The following TRPM1 variants were observed in gnomAD, a reference collection of about 807,000 sequenced individuals.
TRPM1 encodes TRPM1-203 APA Isoform, Intron 10.
TRPM1 carries 113 observed loss-of-function variants against 149.4 expected under a neutral mutation model. That is an observed-to-expected ratio of 0.76 (90% CI 0.65 to 0.88). The LOEUF (loss-of-function observed/expected upper bound fraction) is 0.88, where lower values mean the gene tolerates loss of function less well. Ranked by LOEUF, TRPM1 falls within the 40% of genes least tolerant of loss-of-function variation. The pLI is 0.00. For missense variants in TRPM1, 1,976 were observed against 2,038.7 expected, an observed-to-expected ratio of 0.97 and a Z score of 0.59; for synonymous variants, 741 against 759.5, an observed-to-expected ratio of 0.98 and a Z score of 0.40.
chr15:31,061,186 G>T (rs1016791460), intron 10 of TRPM1, among the ~76,000 whole-genome samples: 1 of 152,236 alleles, frequency 6.6e-6, no homozygotes, highest in Admixed American at 6.5e-5. Context: ...AGGAGCTGAA[G>T]CCCTCAATGA....
At chr15:31,149,331 C>T (rs546507126) in intron 1 of TRPM1, among the ~76,000 whole-genome samples, 9 of 152,038 alleles carry the variant, frequency 5.9e-5, no homozygotes, top group Admixed American at 5.9e-4. Flanking sequence ...CTGAGGGGGG[C>T]GGGTGTGTGT....
chr15:31,070,252 T>G (rs2034502779), intron 3 of TRPM1, 26 bp from the exon 4 acceptor site: 1 of 1,603,766 alleles, frequency 6.2e-7, no homozygotes, highest in Non-Finnish European at 8.5e-7. Flanking sequence ...AAGCAGGGTC[T>G]TTCTACAACA....
At chr15:31,035,803 A>C (rs962640417) in intron 20 of TRPM1, 129 bp from the exon 21 acceptor site, 1 of 1,379,910 alleles carries the variant, frequency 7.2e-7, no homozygotes, top group Non-Finnish European at 1.0e-6. Flanking sequence ...ACTCATTGAG[A>C]GGAAACCTTC....
Position 31,029,188 on chromosome 15 carries a change from A to C in TRPM1, c.3148+183T>G, listed in dbSNP as rs7342653. 0.045 allele frequency among the ~76,000 whole-genome samples: 6,856 copies of C among 152,254 alleles called. 508 individuals carry two copies. The highest frequency in any genetic ancestry group is 0.16 in the African/African-American group (6,541 of 41,510). On this transcript the variant is annotated intron_variant, in intron 24 of 27. Transcript: ENST00000256552. The stretch of plus-strand genomic sequence containing the variant: ...GGGTCTATTTCTCCCCTAAAAAAAT[A>C]GGGTGATCCCAACAGTGAATTTGTG...
Position 31,049,421 on chromosome 15 carries a change from A to G in TRPM1, c.1526T>C (p.Met509Thr), listed in dbSNP as rs1342111186. The G allele has an allele frequency of 2.5e-6, 4 of 1,614,186 alleles. No individual in the cohort carries two copies. The highest frequency in any genetic ancestry group is 3.4e-6 in the Non-Finnish European group (4 of 1,180,034). Residue 509 changes from methionine to threonine, a missense_variant, in exon 13 of 28, where the codon ATG (methionine) becomes ACG (threonine). Transcript: ENST00000256552. ...CCTCGGAATGGTCAGAAAGTGTTGC[A>G]TGTTCACTCCGTTTTCAATCAGGAG... The part of the protein sequence containing the change: ...VKLLIENGVN[M>T]QHFLTIPRLE...
At chr15:31,060,289 A>C in intron 11 of TRPM1, 3 of 566,716 alleles carry the variant, frequency 5.3e-6, no homozygotes, top group Non-Finnish European at 9.4e-6. Context: ...AAAGGTAAAA[A>C]CCCACTTTCA....
intron 17 of TRPM1, among the ~76,000 whole-genome samples, chr15:31,041,310 A>G (rs974173355): frequency 5.9e-5 from 9 of 152,028 alleles, no homozygotes; most frequent in African/African-American, 1.7e-4. Context: ...GCCCGCCACT[A>G]CGCCGGGCTA....
At chr15:31,090,128 T>G (rs547304562) in intron 1 of TRPM1, among the ~76,000 whole-genome samples, 2 of 152,312 alleles carry the variant, frequency 1.3e-5, no homozygotes, top group Non-Finnish European at 2.9e-5. Context: ...TGAACACTGG[T>G]GCGTTCCCTT....
intron 7 of TRPM1, chr15:31,065,242 G>T (rs183457358): frequency 4.6e-6 from 2 of 435,312 alleles, no homozygotes; most frequent in South Asian, 3.3e-5. Flanking sequence ...TCTGATTCTC[G>T]GAAATCTACA....
chr15:31,113,882 T>C (rs1419704192), intron 1 of TRPM1, among the ~76,000 whole-genome samples: 1 of 152,182 alleles, frequency 6.6e-6, no homozygotes, highest in African/African-American at 2.4e-5. Flanking sequence ...ACCGAGCAAA[T>C]TGACTTTGCT....
chr15:31,063,336 C>A, intron 7 of TRPM1, 44 bp from the exon 8 acceptor site: 1 of 1,613,528 alleles, frequency 6.2e-7, no homozygotes, highest in South Asian at 1.1e-5. Flanking sequence ...GTGCCCTGCA[C>A]TGTCCACCCA....
intron 1 of TRPM1, among the ~76,000 whole-genome samples, chr15:31,088,187 G>T (rs10438315): frequency 0.77 from 116,500 of 151,894 alleles, 44,874 homozygotes; most frequent in East Asian, 0.98. Context: ...CAATCAGCAC[G>T]CTGTAAAAAC....
In TRPM1 at chr15:31,063,390, G is replaced by A. The variant is rs7181532; in HGVS notation, c.791-98C>T. On this transcript the variant is annotated intron_variant, in intron 7 of 27. Transcript: ENST00000256552. ...GTATGGGGAAGAGTAAAAACATTAC[G>A]ACTTGGGGGATGTTCTATCTGGCTG... 2,918 of 1,448,554 alleles carry A rather than the reference G, an allele frequency of 2.0e-3. 55 individuals carry two copies. The African/African-American group carries it at 0.033, about 17-fold the overall frequency. 89.7% of individuals were successfully genotyped at this position (1,448,554 alleles called of 1,614,324 possible).
At chr15:31,012,418 C>T (rs904965806) in intron 27 of TRPM1, among the ~76,000 whole-genome samples, 2 of 152,168 alleles carry the variant, frequency 1.3e-5, no homozygotes, top group African/African-American at 4.8e-5. Flanking sequence ...TTGCTTTCAG[C>T]ACATTGACTA....
intron 11 of TRPM1, among the ~76,000 whole-genome samples, chr15:31,054,262 T>C (rs1236989952): frequency 6.6e-6 from 1 of 152,144 alleles, no homozygotes. Flanking sequence ...GTCTCTCTTT[T>C]TCTCTCTCTT....
intron 1 of TRPM1, among the ~76,000 whole-genome samples, chr15:31,115,049 G>C (rs2035779423): frequency 1.3e-5 from 2 of 152,214 alleles, no homozygotes; most frequent in South Asian, 4.1e-4. Flanking sequence ...GAGGTTAGGA[G>C]TTCAAGACCA....
exon 1 of TRPM1, chr15:31,161,047 G>A (rs1596110309): frequency 3.0e-6 from 4 of 1,320,918 alleles, no homozygotes; most frequent in South Asian, 2.5e-5. Context: ...GGGTGGGCAG[G>A]AGCGGAGCCA....
intron 27 of TRPM1, among the ~76,000 whole-genome samples, chr15:31,005,669 A>C (rs909946154): frequency 2.0e-5 from 3 of 152,234 alleles, no homozygotes; most frequent in African/African-American, 7.2e-5. Flanking sequence ...CAGCTATGCC[A>C]AACGATGGGA....
intron 2 of TRPM1, among the ~76,000 whole-genome samples, chr15:31,079,859 G>A (rs1219611175): frequency 2.0e-5 from 3 of 152,120 alleles, no homozygotes; most frequent in African/African-American, 7.2e-5. Context: ...AGGAATCCAG[G>A]GCTGGGGCGG....
Sources: allele counts gnomAD v4.1 joint callset (sites outside exome capture counted in the v4.1 genomes callset), GRCh38; gene constraint gnomAD v4.1.1; transcripts MANE v1.5; gene names NCBI Gene and HGNC (gene_info 2026-07-23, HGNC 2026-07-21).